The following KDM4C variants were observed in gnomAD, a reference collection of about 807,000 sequenced individuals.
KDM4C encodes the protein lysine-specific demethylase 4C.
In KDM4C, 81 loss-of-function variants were observed where a neutral mutation model predicts 129.3. The ratio of observed to expected loss-of-function variants is 0.63; its 90% CI spans 0.52 to 0.75. The LOEUF (loss-of-function observed/expected upper bound fraction) is 0.75. Among genes scored for constraint, KDM4C ranks in the 30% least tolerant of loss-of-function variants. KDM4C has a pLI of 0.00. For missense variants in KDM4C, 1,457 were observed against 1,304.0 expected, an observed-to-expected ratio of 1.12 and a Z score of -1.81; for synonymous variants, 573 against 456.1, an observed-to-expected ratio of 1.26 and a Z score of -3.26.
At chr9:6,913,502 A>G (rs1819704004) in intron 8 of KDM4C, among the ~76,000 whole-genome samples, 1 of 152,208 alleles carries the variant, frequency 6.6e-6, no homozygotes, top group Non-Finnish European at 1.5e-5. Context: ...TTTCATGTAC[A>G]GTGCGCTTCT....
chr9:6,859,537 T>C (rs907961191), intron 5 of KDM4C, among the ~76,000 whole-genome samples: 1 of 125,270 alleles, frequency 8.0e-6, no homozygotes, highest in Non-Finnish European at 1.7e-5. Flanking sequence ...ATGTCTCAAG[T>C]AGGTGGATTT....
chr9:7,120,486 C>G (rs1839375303), intron 18 of KDM4C, among the ~76,000 whole-genome samples: 1 of 152,062 alleles, frequency 6.6e-6, no homozygotes, highest in African/African-American at 2.4e-5. Context: ...AGTGCTGTCC[C>G]TTAGAGGTGG....
intron 6 of KDM4C, among the ~76,000 whole-genome samples, chr9:6,881,814 T>C (rs1021363097): frequency 6.6e-6 from 1 of 152,210 alleles, no homozygotes; most frequent in African/African-American, 2.4e-5. Flanking sequence ...GAAGGATTTG[T>C]ATCTGATGAC....
chr9:6,832,096 T>G (rs1489701669), intron 4 of KDM4C, among the ~76,000 whole-genome samples: 1 of 152,126 alleles, frequency 6.6e-6, no homozygotes, highest in African/African-American at 2.4e-5. Context: ...CCCAGCACTC[T>G]GGGAGTCTGA....
chr9:7,104,374 T>C lies in KDM4C; in HGVS notation c.2610+504T>C, dbSNP rs73409572. The stretch of plus-strand genomic sequence containing the variant: ...GAAGAGGTAGGATGGCCAGGAGCTT[T>C]TGGGACTTTGCTGCCTAAAATGGCA... On this transcript the variant is annotated intron_variant, in intron 18 of 21. Coordinates refer to ENST00000381309, the MANE Select transcript of KDM4C (RefSeq NM_015061.6). The C allele has an allele frequency of 6.2e-3, 953 of 152,942 alleles. 12 individuals carry two copies. The highest frequency in any genetic ancestry group is 0.022 in the African/African-American group (894 of 41,556). The allele number at this position is 152,942 out of a possible 1,614,324, so 9.5% of individuals were successfully genotyped here. A position where few individuals can be genotyped will look rare whatever the true frequency, so the allele number is the denominator to read the frequency against.
intron 8 of KDM4C, among the ~76,000 whole-genome samples, chr9:6,911,624 A>G (rs182699656): frequency 1.3e-5 from 2 of 152,368 alleles, no homozygotes; most frequent in Admixed American, 6.5e-5. Context: ...GCACTTGTAT[A>G]AAATGTTCAT....
chr9:6,767,170 G>A (rs1401206804), intron 1 of KDM4C, among the ~76,000 whole-genome samples: 1 of 151,270 alleles, frequency 6.6e-6, no homozygotes, highest in Non-Finnish European at 1.5e-5. Context: ...ATGGAGTCTC[G>A]CTGTGTCGCC....
At chr9:7,134,251 C>T (rs1466430807) in intron 19 of KDM4C, among the ~76,000 whole-genome samples, 1 of 152,166 alleles carries the variant, frequency 6.6e-6, no homozygotes, top group Admixed American at 6.5e-5. Context: ...AGATGAAAGG[C>T]TTCACCAAAT....
intron 2 of KDM4C, among the ~76,000 whole-genome samples, chr9:6,804,526 G>A (rs940146180): frequency 2.0e-5 from 3 of 152,138 alleles, no homozygotes; most frequent in African/African-American, 7.2e-5. Flanking sequence ...TTGGGAGGCC[G>A]AGACGGGTGG....
In KDM4C at chr9:7,068,058, A is replaced by C. The variant is rs371870256; in HGVS notation, c.2424+18858A>C. ...TGATCCACCCGCCTCGGCCTCCCAA[A>C]GTGCTGGGATTACAGGCGTGAGCCA... is the stretch of plus-strand genomic sequence containing the variant. On this transcript the variant is annotated intron_variant, in intron 17 of 21. Coordinates refer to ENST00000381309, the MANE Select transcript of KDM4C (RefSeq NM_015061.6). Among the ~76,000 whole-genome samples, 7 of 152,306 alleles carry C rather than the reference A, an allele frequency of 4.6e-5. No homozygotes were observed. In the East Asian group the frequency reaches 1.3e-3, roughly 29 times the overall value.
chr9:6,940,793 C>G (rs1220808496), intron 8 of KDM4C, among the ~76,000 whole-genome samples: 2 of 152,154 alleles, frequency 1.3e-5, no homozygotes, highest in Non-Finnish European at 2.9e-5. Flanking sequence ...ATTTCATTAT[C>G]ATTTTCATTT....
At chr9:6,862,941 C>G (rs905299027) in intron 5 of KDM4C, among the ~76,000 whole-genome samples, 19 of 152,082 alleles carry the variant, frequency 1.2e-4, no homozygotes, top group African/African-American at 4.6e-4. Flanking sequence ...TTTATGGACC[C>G]CTTTAAGCCA....
At chr9:6,773,514 G>A (rs938669239) in intron 1 of KDM4C, among the ~76,000 whole-genome samples, 6 of 152,136 alleles carry the variant, frequency 3.9e-5, no homozygotes, top group Admixed American at 6.6e-5. Context: ...GCTCATGCCT[G>A]TAATCCCAGC....
chr9:7,054,550 CAGAA>C (rs1244550396), intron 17 of KDM4C, among the ~76,000 whole-genome samples: 1 of 152,128 alleles, frequency 6.6e-6, no homozygotes, highest in Non-Finnish European at 1.5e-5. Flanking sequence ...TGGTATCACA[CAGAA>C]GGAAGAAGGC....
At chr9:7,128,267 C>A in intron 19 of KDM4C, 31 bp downstream of exon 19, 1 of 1,471,258 alleles carries the variant, frequency 6.8e-7, no homozygotes, top group Admixed American at 2.5e-5. Context: ...GCCTGCTACC[C>A]AGAGTAATTT....
intron 18 of KDM4C, among the ~76,000 whole-genome samples, chr9:7,127,439 T>G (rs1166268030): frequency 6.6e-6 from 1 of 152,176 alleles, no homozygotes; most frequent in East Asian, 1.9e-4. Flanking sequence ...GCCAAAAATG[T>G]ATAACCTGAA....
At chr9:7,164,007 A>C (rs1293385272) in intron 19 of KDM4C, among the ~76,000 whole-genome samples, 2 of 152,242 alleles carry the variant, frequency 1.3e-5, no homozygotes, top group African/African-American at 4.8e-5. Flanking sequence ...AATTTCTATT[A>C]GTAATAAGAA....
rs534611632 is a variant in KDM4C, at chr9:7,086,232, A to C, written c.2425-17453A>C. Among the ~76,000 whole-genome samples, 14 of 152,314 alleles carry C rather than the reference A, an allele frequency of 9.2e-5. No individual in the cohort carries two copies. In the East Asian group the frequency reaches 2.5e-3, roughly 27 times the overall value. ...AAACAGGAATTTTTTAATATCATCT[A>C]AAATTGGTAGATATTTCTGTATTTT... is the stretch of plus-strand genomic sequence containing the variant. On this transcript the variant is annotated intron_variant, in intron 17 of 21. Transcript: ENST00000381309.
chr9:6,789,002 G>A (rs933665154), intron 1 of KDM4C, among the ~76,000 whole-genome samples: 1 of 151,958 alleles, frequency 6.6e-6, no homozygotes, highest in African/African-American at 2.4e-5. Context: ...CAGTGATGAT[G>A]GACGAGGCCA....
Sources: gnomAD v4.1 joint callset for allele counts (sites outside exome capture counted in the v4.1 genomes callset) on GRCh38, gnomAD v4.1.1 for gene constraint, MANE v1.5 for transcripts, NCBI Gene and HGNC (gene_info 2026-07-23, HGNC 2026-07-21) for gene names.